Variants in LHX8 observed in about 807,000 individuals in gnomAD.
LHX8 encodes the protein LIM/homeobox protein Lhx8.
LHX8 carries 12 observed loss-of-function variants against 40.3 expected under a neutral mutation model. The observed-to-expected ratio is 0.30, with a 90% confidence interval of 0.19 to 0.48. The LOEUF (loss-of-function observed/expected upper bound fraction) is 0.48. LHX8 is among the 20% of genes least tolerant of loss of function. The pLI, the probability that LHX8 is intolerant of heterozygous loss-of-function variation, is 0.99. For synonymous variants in LHX8, 179 were observed against 162.0 expected (o/e 1.10, Z -0.80); for missense variants, 344 against 433.7 (o/e 0.79, Z 1.84).
Position 75,147,872 on chromosome 1 carries a change from A to G in LHX8, c.685-715A>G, listed in dbSNP as rs938842138. Among the ~76,000 whole-genome samples the G allele has an allele frequency of 5.1e-4, 77 of 152,196 alleles. 1 individual carries two copies. Among genetic ancestry groups the G allele is most frequent in the Non-Finnish European group, 9.0e-4 (61 of 68,032 alleles). ...CCTTTATCTTTTATTATAGGTAGTC[A>G]TTGGCATGTCGGCATCTTTCTGCCA... On this transcript the variant is annotated intron_variant, in intron 6 of 8. Transcript: ENST00000356261.
upstream of LHX8, chr1:75,132,756 A>AACACAC (rs373753523): frequency 0.13 from 18,439 of 145,978 alleles, 1,407 homozygotes; most frequent in Non-Finnish European, 0.17. Flanking sequence ...TTTAAACCCT[A>AACACAC]ACACACACAC....
Position 75,141,079 on chromosome 1 carries a change from A to G in LHX8, c.332A>G (p.Asp111Gly). ...RHTSCYIKDKDIFCKLDYFRR... is the reference protein window; with the variant it reads ...RHTSCYIKDKGIFCKLDYFRR... Reference sequence around the variant, plus strand: ...ACCAGCTGTTATATTAAAGACAAAGACATTTTCTGCAAACTTGATTATTTC... The same window carrying G: ...ACCAGCTGTTATATTAAAGACAAAGGCATTTTCTGCAAACTTGATTATTTC... Residue 111 changes from aspartate to glycine, a missense_variant, in exon 4 of 9, where the codon GAC becomes GGC. Asp to Gly is a moderately conservative substitution (Grantham distance 94). Coordinates refer to ENST00000356261, the MANE Select transcript of LHX8 (RefSeq NM_001256114.2). 2 of 1,613,474 alleles carry G rather than the reference A, an allele frequency of 1.2e-6. No individual in the cohort carries two copies. Among genetic ancestry groups the G allele is most frequent in the Non-Finnish European group, 1.7e-6 (2 of 1,179,566 alleles).
chr1:75,160,222 A>G (rs1035339639), intron 8 of LHX8: 1 of 152,460 alleles, frequency 6.6e-6, no homozygotes, highest in Admixed American at 6.5e-5. Flanking sequence ...AATTTTGTCC[A>G]GATTTCCTAG....
the LHX8 span, among the ~76,000 whole-genome samples, chr1:75,179,757 G>A: frequency 3.3e-5 from 5 of 152,092 alleles, no homozygotes; most frequent in Admixed American, 6.6e-5. Context: ...TATTTTGCCC[G>A]TTAGTTGATG....
At chr1:75,159,662 A>G (rs191014496) in intron 8 of LHX8, 24 of 152,138 alleles carry the variant, frequency 1.6e-4, no homozygotes, top group Non-Finnish European at 8.8e-5. Context: ...TGGTGGGTCT[A>G]TTCTGTTTTC....
chr1:75,129,384 G>C (rs1647904161), intron 1 of LHX8, among the ~76,000 whole-genome samples: 2 of 152,186 alleles, frequency 1.3e-5, no homozygotes, highest in Non-Finnish European at 2.9e-5. Flanking sequence ...AGCAGAAATG[G>C]CATATAGAAG....
At chr1:75,169,809 C>A in the LHX8 span, among the ~76,000 whole-genome samples, 1 of 152,162 alleles carries the variant, frequency 6.6e-6, no homozygotes, top group Non-Finnish European at 1.5e-5. Context: ...CCTTTCGTGG[C>A]CCTACTCCAA....
chr1:75,199,332 G>A, the LHX8 span, among the ~76,000 whole-genome samples: 12 of 152,062 alleles, frequency 7.9e-5, no homozygotes, highest in East Asian at 1.9e-4. Flanking sequence ...ACATGCAGCC[G>A]TGCACATTCA....
At chr1:75,195,119 C>T in the LHX8 span, among the ~76,000 whole-genome samples, 1 of 152,158 alleles carries the variant, frequency 6.6e-6, no homozygotes, top group African/African-American at 2.4e-5. Context: ...CTACTTCTTT[C>T]CATATCTATC....
chr1:75,187,496 G>A, the LHX8 span, among the ~76,000 whole-genome samples: 1 of 152,170 alleles, frequency 6.6e-6, no homozygotes, highest in Non-Finnish European at 1.5e-5. Context: ...ATTGGAAAGG[G>A]TCTTGTGAGG....
downstream of LHX8, among the ~76,000 whole-genome samples, chr1:75,165,566 G>T (rs11162660): frequency 0.014 from 2,109 of 152,160 alleles, 50 homozygotes; most frequent in African/African-American, 0.048. Context: ...ATGGGCACTT[G>T]TATGGGGGTA....
At chr1:75,153,271 A>C (rs1158438000) in intron 7 of LHX8, among the ~76,000 whole-genome samples, 4 of 151,976 alleles carry the variant, frequency 2.6e-5, no homozygotes, top group Non-Finnish European at 5.9e-5. Flanking sequence ...ACACGCAGCT[A>C]ATTTTTGTAT....
At chr1:75,145,184 G>A (rs1648428176) in intron 6 of LHX8, among the ~76,000 whole-genome samples, 1 of 152,072 alleles carries the variant, frequency 6.6e-6, no homozygotes, top group South Asian at 2.1e-4. Flanking sequence ...TTTGAGCCTT[G>A]CTTTCTGGGT....
chr1:75,144,326 C>A (rs1465978326), intron 6 of LHX8, among the ~76,000 whole-genome samples: 1 of 152,064 alleles, frequency 6.6e-6, no homozygotes, highest in Non-Finnish European at 1.5e-5. Flanking sequence ...CATACATGTC[C>A]CATGTGAGTC....
chr1:75,141,857 G>A (rs1022094932), intron 4 of LHX8, among the ~76,000 whole-genome samples: 6 of 151,828 alleles, frequency 4.0e-5, no homozygotes, highest in African/African-American at 1.2e-4. Context: ...ATTGTAAAAC[G>A]GGGAAATTAA....
chr1:75,137,252 C>T lies in LHX8; in HGVS notation c.228C>T (p.Tyr76=), dbSNP rs766072644. The change falls in exon 3 of 9, where the codon TAC becomes TAT. Residue 76 remains tyrosine, a synonymous_variant. Transcript: ENST00000356261. ...NSCGLEIVDK[Y]LLKVNDLCWH... ...GCGGCCTGGAGATCGTGGACAAATA[C>T]CTTCTCAAGGTAGGATAGGGCCTCG... is the stretch of plus-strand genomic sequence containing the variant. 38 of 1,613,452 alleles carry T rather than the reference C, an allele frequency of 2.4e-5. 3 individuals carry two copies. The South Asian group carries it at 4.2e-4, about 18-fold the overall frequency.
At chr1:75,135,533 G>C (rs1648096941) in intron 1 of LHX8, among the ~76,000 whole-genome samples, 1 of 152,226 alleles carries the variant, frequency 6.6e-6, no homozygotes, top group South Asian at 2.1e-4. Flanking sequence ...TTGGTATCTT[G>C]CCTGGTGCTT....
At chr1:75,147,882 C>T (rs1057364352) in intron 6 of LHX8, among the ~76,000 whole-genome samples, 2 of 152,182 alleles carry the variant, frequency 1.3e-5, no homozygotes, top group Non-Finnish European at 1.5e-5. Context: ...ATTGGCATGT[C>T]GGCATCTTTC....
chr1:75,147,169 A>G (rs1648481355), intron 6 of LHX8, among the ~76,000 whole-genome samples: 1 of 152,172 alleles, frequency 6.6e-6, no homozygotes, highest in Non-Finnish European at 1.5e-5. Context: ...GCAAAAATCC[A>G]TGTTCTGTTT....
Sources: gnomAD v4.1 joint callset for allele counts (sites outside exome capture counted in the v4.1 genomes callset) on GRCh38, gnomAD v4.1.1 for gene constraint, MANE v1.5 for transcripts, NCBI Gene and HGNC (gene_info 2026-07-23, HGNC 2026-07-21) for gene names.